Variants in CADM2 observed in about 807,000 individuals in gnomAD.
The protein encoded by CADM2 is immunoglobulin superfamily member 4D.
A neutral mutation model predicts 49.8 loss-of-function variants in CADM2; 12 were observed. The observed-to-expected ratio is 0.24, with a 90% CI of 0.15 to 0.39. CADM2 has a LOEUF of 0.39. Ranked by LOEUF, CADM2 falls within the 10% of genes least tolerant of loss-of-function variation. The pLI, the probability that CADM2 is intolerant of heterozygous loss-of-function variation, is 1.00. For synonymous variants in CADM2, 214 were observed against 175.4 expected, an observed-to-expected ratio of 1.22 and a Z score of -1.74; for missense variants, 378 against 492.3, an observed-to-expected ratio of 0.77 and a Z score of 2.20.
chr3:85,420,707 T>G (rs2036131451), intron 1 of CADM2, among the ~76,000 whole-genome samples: 1 of 152,186 alleles, frequency 6.6e-6, no homozygotes, highest in African/African-American at 2.4e-5. Context: ...GTTAATCACA[T>G]TACTGAGTGC....
chr3:85,359,165 C>G (rs2032119322), intron 1 of CADM2, among the ~76,000 whole-genome samples: 1 of 152,048 alleles, frequency 6.6e-6, no homozygotes. Context: ...ATATTTCAAC[C>G]ATGCAAATGA....
chr3:85,594,655 G>A (rs2063194832), intron 1 of CADM2, among the ~76,000 whole-genome samples: 2 of 151,926 alleles, frequency 1.3e-5, no homozygotes, highest in Non-Finnish European at 2.9e-5. Flanking sequence ...ATACATATGT[G>A]ACAGAAATGC....
At chr3:85,584,902 A>T (rs973712637) in intron 1 of CADM2, among the ~76,000 whole-genome samples, 4 of 152,104 alleles carry the variant, frequency 2.6e-5, no homozygotes, top group Non-Finnish European at 5.9e-5. Context: ...TTATCAGTTA[A>T]ATTTAATCTT....
intron 3 of CADM2, among the ~76,000 whole-genome samples, chr3:85,803,600 A>C (rs1471781255): frequency 6.6e-6 from 1 of 152,104 alleles, no homozygotes; most frequent in African/African-American, 2.4e-5. Context: ...AGTTTGAAAA[A>C]TGCAGGGCAG....
intron 1 of CADM2, among the ~76,000 whole-genome samples, chr3:85,094,925 A>G (rs2107530699): frequency 6.6e-6 from 1 of 152,304 alleles, no homozygotes; most frequent in African/African-American, 2.4e-5. Context: ...ATTAGCTTCC[A>G]ACATAAATTA....
chr3:85,320,521 A>G (rs1475880654), intron 1 of CADM2, among the ~76,000 whole-genome samples: 1 of 152,156 alleles, frequency 6.6e-6, no homozygotes, highest in East Asian at 1.9e-4. Context: ...TTGTCCCCTG[A>G]CATCAGTTTG....
intron 7 of CADM2, among the ~76,000 whole-genome samples, chr3:85,955,113 A>T (rs1209787098): frequency 6.6e-6 from 1 of 151,422 alleles, no homozygotes. Context: ...GAAGTATAAG[A>T]TATAAATATT....
intron 1 of CADM2, among the ~76,000 whole-genome samples, chr3:84,995,684 G>T (rs904712346): frequency 6.6e-6 from 1 of 152,120 alleles, no homozygotes; most frequent in East Asian, 1.9e-4. Context: ...GCCTACAAAA[G>T]AGATTACTTG....
At chr3:85,555,137 G>T (rs984094014) in intron 1 of CADM2, among the ~76,000 whole-genome samples, 1 of 152,072 alleles carries the variant, frequency 6.6e-6, no homozygotes, top group Middle Eastern at 3.2e-3. Context: ...AATGTAGTTA[G>T]GGCACGTCAT....
At chr3:85,356,695 C>G (rs944264917) in intron 1 of CADM2, among the ~76,000 whole-genome samples, 1 of 152,084 alleles carries the variant, frequency 6.6e-6, no homozygotes, top group African/African-American at 2.4e-5. Flanking sequence ...TAAGAATGTT[C>G]AAATGCTATG....
At chr3:85,180,258 C>T (rs1289321399) in intron 1 of CADM2, among the ~76,000 whole-genome samples, 5 of 151,888 alleles carry the variant, frequency 3.3e-5, no homozygotes, top group African/African-American at 1.2e-4. Context: ...CCTGTAATCC[C>T]AGCACTTTGG....
intron 1 of CADM2, among the ~76,000 whole-genome samples, chr3:85,712,650 T>A (rs1280282615): frequency 1.3e-5 from 2 of 152,194 alleles, no homozygotes; most frequent in East Asian, 3.9e-4. Context: ...GCTCCTTCCC[T>A]TCAAATATTA....
intron 2 of CADM2, among the ~76,000 whole-genome samples, chr3:85,771,685 A>G (rs543543561): frequency 6.6e-6 from 1 of 152,216 alleles, no homozygotes; most frequent in Non-Finnish European, 1.5e-5. Flanking sequence ...TTTGCAGGTA[A>G]ATAATCAAAA....
At chr3:85,910,833 C>T (rs1441579362) in intron 5 of CADM2, among the ~76,000 whole-genome samples, 2 of 151,910 alleles carry the variant, frequency 1.3e-5, no homozygotes, top group Non-Finnish European at 2.9e-5. Context: ...TAATCTCTTA[C>T]TAATGTTTAT....
chr3:85,512,311 TC>T (rs1344856806), intron 1 of CADM2, among the ~76,000 whole-genome samples: 3 of 152,102 alleles, frequency 2.0e-5, no homozygotes, highest in Non-Finnish European at 4.4e-5. Context: ...GAGAATGGCC[TC>T]CAGCTGAAAC....
intron 1 of CADM2, among the ~76,000 whole-genome samples, chr3:85,404,897 A>G (rs1411557145): frequency 6.6e-6 from 1 of 152,180 alleles, no homozygotes; most frequent in Non-Finnish European, 1.5e-5. Context: ...TGACCAAAAC[A>G]AATAATAAAG....
chr3:85,554,021 A>C (rs2061884253), intron 1 of CADM2, among the ~76,000 whole-genome samples: 1 of 152,046 alleles, frequency 6.6e-6, no homozygotes, highest in Admixed American at 6.6e-5. Context: ...ATACTTCACA[A>C]TTAATACTAC....
chr3:85,933,228 C>G (rs1386567564), intron 6 of CADM2, among the ~76,000 whole-genome samples: 1 of 151,944 alleles, frequency 6.6e-6, no homozygotes, highest in Non-Finnish European at 1.5e-5. Flanking sequence ...CCACCCCCAC[C>G]CTCAGGAGCA....
chr3:85,817,287 A>G (rs57180367), intron 3 of CADM2, among the ~76,000 whole-genome samples: 2,175 of 152,342 alleles, frequency 0.014, 53 homozygotes, highest in African/African-American at 0.05. Flanking sequence ...TGAGTTTTCC[A>G]TATCACTCAC....
Sources: allele counts gnomAD v4.1 joint callset (sites outside exome capture counted in the v4.1 genomes callset), GRCh38; gene constraint gnomAD v4.1.1; transcripts MANE v1.5; gene names NCBI Gene and HGNC (gene_info 2026-07-23, HGNC 2026-07-21).